Variants in CIMIP6 observed in about 807,000 individuals in gnomAD.
The protein encoded by CIMIP6 is ciliary microtubule inner protein 6.
At chr2:54,375,631 A>G in the CIMIP6 span, among the ~76,000 whole-genome samples, 1 of 152,222 alleles carries the variant, frequency 6.6e-6, no homozygotes, top group African/African-American at 2.4e-5. Context: ...ATAACTATAC[A>G]AGAAAACAAG....
the CIMIP6 span, among the ~76,000 whole-genome samples, chr2:54,374,176 T>A: frequency 3.3e-5 from 5 of 152,198 alleles, no homozygotes; most frequent in African/African-American, 1.2e-4. Flanking sequence ...TACTCCATAC[T>A]CTCCATAGTA....
At chr2:54,369,281 A>G in the CIMIP6 span, among the ~76,000 whole-genome samples, 5 of 152,116 alleles carry the variant, frequency 3.3e-5, no homozygotes, top group Non-Finnish European at 5.9e-5. Flanking sequence ...ATTTTGACTC[A>G]TACCATCTAA....
chr2:54,335,903 C>A, the CIMIP6 span, among the ~76,000 whole-genome samples: 1 of 152,140 alleles, frequency 6.6e-6, no homozygotes, highest in Non-Finnish European at 1.5e-5. Context: ...AGCAACACAG[C>A]ATCTTCAAAT....
At chr2:54,332,151 C>G in the CIMIP6 span, among the ~76,000 whole-genome samples, 1 of 152,172 alleles carries the variant, frequency 6.6e-6, no homozygotes, top group Non-Finnish European at 1.5e-5. Context: ...TGCTAGAATG[C>G]TTTTCCCACA....
At chr2:54,331,899 C>G in the CIMIP6 span, among the ~76,000 whole-genome samples, 2 of 152,162 alleles carry the variant, frequency 1.3e-5, no homozygotes, top group South Asian at 2.1e-4. Flanking sequence ...TAAGAATCAG[C>G]GAAACAGCTG....
At chr2:54,343,696 T>G in the CIMIP6 span, 19 of 1,544,742 alleles carry the variant, frequency 1.2e-5, no homozygotes, top group Non-Finnish European at 1.7e-5. Flanking sequence ...TCCAATATTG[T>G]GTTTCCAATT....
the CIMIP6 span, among the ~76,000 whole-genome samples, chr2:54,361,856 A>G: frequency 6.6e-6 from 1 of 152,168 alleles, no homozygotes; most frequent in African/African-American, 2.4e-5. Flanking sequence ...TCCTCATTGG[A>G]ACAGGGATGG....
the CIMIP6 span, among the ~76,000 whole-genome samples, chr2:54,367,797 A>G: frequency 6.6e-6 from 1 of 152,178 alleles, no homozygotes; most frequent in African/African-American, 2.4e-5. Flanking sequence ...ATGGCCACAA[A>G]GCCAAAGATG....
the CIMIP6 span, among the ~76,000 whole-genome samples, chr2:54,357,577 C>CTT: frequency 1.7e-5 from 2 of 115,686 alleles, no homozygotes; most frequent in African/African-American, 6.6e-5. Flanking sequence ...CTCTTACGTA[C>CTT]TTTTTTTTTT....
At chr2:54,357,558 G>T in the CIMIP6 span, among the ~76,000 whole-genome samples, 1 of 146,866 alleles carries the variant, frequency 6.8e-6, no homozygotes, top group Non-Finnish European at 1.5e-5. Context: ...TATGTTCGTT[G>T]TACATAAACT....
At chr2:54,367,386 A>G in the CIMIP6 span, among the ~76,000 whole-genome samples, 1 of 151,974 alleles carries the variant, frequency 6.6e-6, no homozygotes. Context: ...CCAACCTCCA[A>G]AAAAAATTGG....
At chr2:54,369,269 A>G in the CIMIP6 span, among the ~76,000 whole-genome samples, 1 of 152,276 alleles carries the variant, frequency 6.6e-6, no homozygotes, top group South Asian at 2.1e-4. Context: ...GGACTTACAG[A>G]CATTTTGACT....
At chr2:54,340,453 G>A in the CIMIP6 span, among the ~76,000 whole-genome samples, 106,147 of 152,070 alleles carry the variant, frequency 0.7, 37,582 homozygotes, top group Non-Finnish European at 0.75. Flanking sequence ...TGGACCAAAA[G>A]GGCACGCACA....
At chr2:54,364,441 T>C in the CIMIP6 span, among the ~76,000 whole-genome samples, 1 of 152,252 alleles carries the variant, frequency 6.6e-6, no homozygotes, top group Non-Finnish European at 1.5e-5. Context: ...CATAAATTTG[T>C]ATATGTTAAG....
At chr2:54,370,880 G>A in the CIMIP6 span, among the ~76,000 whole-genome samples, 1 of 152,206 alleles carries the variant, frequency 6.6e-6, no homozygotes, top group Non-Finnish European at 1.5e-5. Flanking sequence ...CGCCTGCCAA[G>A]TGAACTGTTT....
At chr2:54,358,586 G>T in the CIMIP6 span, among the ~76,000 whole-genome samples, 3 of 151,936 alleles carry the variant, frequency 2.0e-5, no homozygotes, top group African/African-American at 4.8e-5. Flanking sequence ...TAGAGATGGG[G>T]TTTCACCATG....
chr2:54,343,609 G>C, the CIMIP6 span: 1 of 681,556 alleles, frequency 1.5e-6, no homozygotes, highest in South Asian at 5.0e-5. Flanking sequence ...ATTAGTACTG[G>C]GATATCCACT....
chr2:54,352,998 A>T, the CIMIP6 span, among the ~76,000 whole-genome samples: 1 of 152,108 alleles, frequency 6.6e-6, no homozygotes, highest in Non-Finnish European at 1.5e-5. Context: ...CAAAATCTCC[A>T]CTGTCCTGCT....
the CIMIP6 span, among the ~76,000 whole-genome samples, chr2:54,340,483 C>A: frequency 6.6e-6 from 1 of 152,288 alleles, no homozygotes; most frequent in African/African-American, 2.4e-5. Flanking sequence ...GGCACATAAG[C>A]ACTTTCACTC....
Sources: allele counts gnomAD v4.1 joint callset (sites outside exome capture counted in the v4.1 genomes callset), GRCh38; gene constraint gnomAD v4.1.1; transcripts MANE v1.5; gene names NCBI Gene and HGNC (gene_info 2026-07-23, HGNC 2026-07-21).